RB1CC1: variants seen among roughly 807,000 people sequenced by gnomAD.
The protein encoded by RB1CC1 is RB1 inducible coiled-coil 1.
RB1CC1 carries 46 observed loss-of-function variants against 177.5 expected under a neutral mutation model. That is an observed-to-expected ratio of 0.26 (90% confidence interval 0.20 to 0.33). The LOEUF is 0.33. Among genes scored for constraint, RB1CC1 ranks in the 10% least tolerant of loss-of-function variants. RB1CC1 has a pLI of 1.00. For missense variants in RB1CC1, 1,703 were observed against 1,816.3 expected, an observed-to-expected ratio of 0.94 and a Z score of 1.13; for synonymous variants, 666 against 613.6, an observed-to-expected ratio of 1.09 and a Z score of -1.26.
rs950148731 is a variant in RB1CC1, at chr8:52,674,000, G to T, written c.847C>A (p.Gln283Lys). 9.3e-6 allele frequency: 15 copies of T among 1,613,984 alleles called. No individual in the cohort carries two copies. Among genetic ancestry groups the T allele is most frequent in the Non-Finnish European group, 1.1e-5 (13 of 1,180,034 alleles). The change falls in exon 7 of 24, where the codon CAA becomes AAA. Residue 283 changes from glutamine to lysine, a missense_variant. This residue lies in a region of RB1CC1 where 315 missense variants were observed against 304.9 expected (regional missense o/e 1.03). Transcript: ENST00000025008. Reference protein sequence around the residue: ...ESGKEIRESCQSTVHQQDETT... With the variant: ...ESGKEIRESCKSTVHQQDETT... ...TCATCTTGCTGATGAACAGTACTTT[G>T]ACAAGATTCCCTAATTTCTTTGCCA...
In RB1CC1 at chr8:52,653,014, G is replaced by A. The variant is rs1289435247; in HGVS notation, c.3821+2994C>T. ...AGAGGTTGTGGTGAAGAGAGATCAC[G>A]CCACTGCACTCCAGCCTGGGTAACA... On this transcript the variant is annotated intron_variant, in intron 15 of 23. Transcript: ENST00000025008. Among the ~76,000 whole-genome samples, 4 of 152,064 alleles carry A rather than the reference G, an allele frequency of 2.6e-5. No homozygotes were observed. The South Asian group carries it at 8.3e-4, about 32-fold the overall frequency.
intron 18 of RB1CC1, among the ~76,000 whole-genome samples, chr8:52,640,790 CTT>C (rs1025160611): frequency 6.6e-6 from 1 of 152,128 alleles, no homozygotes; most frequent in African/African-American, 2.4e-5. Context: ...TTTTGAATTA[CTT>C]TTTTTGTTCT....
At position 52,676,427 on chromosome 8, in the gene RB1CC1, C is replaced by T; in HGVS notation, c.514G>A (p.Glu172Lys). Residue 172 changes from glutamate (E) to lysine (K), a missense_variant, in exon 6 of 24, where the codon GAA becomes AAA. Physicochemically the swap from Glu to Lys is moderately conservative, Grantham distance 56 (BLOSUM62 1). Coordinates refer to ENST00000025008, the MANE Select transcript of RB1CC1 (RefSeq NM_014781.5). The stretch of plus-strand genomic sequence containing the variant: ...TGCAGATAATTTGAATAAATACTTT[C>T]AAACTTGAAAAGTAGCTTTTGGTAT... ...NSYQKLLFKF[E>K]SIYSNYLQSI... 1.2e-6 allele frequency: 2 copies of T among 1,613,066 alleles called. No individual in the cohort carries two copies. Among genetic ancestry groups the T allele is most frequent in the Non-Finnish European group, 1.7e-6 (2 of 1,179,520 alleles).
chr8:52,634,509 A>C (rs1180581640), intron 20 of RB1CC1, among the ~76,000 whole-genome samples: 1 of 152,124 alleles, frequency 6.6e-6, no homozygotes, highest in African/African-American at 2.4e-5. Flanking sequence ...CTACAGAGCA[A>C]GACTGTCTTA....
intron 8 of RB1CC1, among the ~76,000 whole-genome samples, chr8:52,663,008 T>C (rs1457052042): frequency 1.3e-5 from 2 of 152,092 alleles, no homozygotes; most frequent in Admixed American, 6.6e-5. Flanking sequence ...AAGTACTGTA[T>C]TGCTAAAAGA....
At chr8:52,660,469 A>C (rs1851513703) in intron 12 of RB1CC1, 127 bp downstream of exon 12, 1 of 913,392 alleles carries the variant, frequency 1.1e-6, no homozygotes, top group South Asian at 1.6e-5. Flanking sequence ...TAAAGCCAAA[A>C]ACACTTTTAT....
At chr8:52,637,660 T>TTTATTTATTTATTTA (rs897101314) in intron 18 of RB1CC1, among the ~76,000 whole-genome samples, 4 of 150,634 alleles carry the variant, frequency 2.7e-5, no homozygotes, top group African/African-American at 9.8e-5. Flanking sequence ...TCTAGATGCA[T>TTTATTTATTTATTTA]TTATTTATTT....
At chr8:52,691,043 A>G (rs1489628925) in intron 1 of RB1CC1, among the ~76,000 whole-genome samples, 1 of 152,234 alleles carries the variant, frequency 6.6e-6, no homozygotes, top group Non-Finnish European at 1.5e-5. Context: ...TCTACAGTCC[A>G]TATTCAAACT....
intron 23 of RB1CC1, 32 bp downstream of exon 23, chr8:52,624,678 ACAGTTCC>A: frequency 4.1e-6 from 6 of 1,474,582 alleles, no homozygotes; most frequent in Non-Finnish European, 4.7e-6. Context: ...AATCTTCTTT[ACAGTTCC>A]CAGGCTTAGT....
At chr8:52,646,257 G>C (rs1282212859) in intron 15 of RB1CC1, among the ~76,000 whole-genome samples, 2 of 151,970 alleles carry the variant, frequency 1.3e-5, no homozygotes, top group Non-Finnish European at 2.9e-5. Flanking sequence ...GAGTCCAAGA[G>C]TTTGAGATCA....
At chr8:52,645,641 A>G in intron 16 of RB1CC1, 61 bp downstream of exon 16, 1 of 1,510,522 alleles carries the variant, frequency 6.6e-7, no homozygotes, top group Non-Finnish European at 9.0e-7. Flanking sequence ...AAGAAATTAT[A>G]TTTGTTAATT....
At chr8:52,664,769 C>A (rs1030645117) in intron 8 of RB1CC1, among the ~76,000 whole-genome samples, 1 of 152,142 alleles carries the variant, frequency 6.6e-6, no homozygotes, top group African/African-American at 2.4e-5. Flanking sequence ...AGTATTATCA[C>A]CCCAACCATA....
At chr8:52,708,964 T>C (rs1173140374) in intron 1 of RB1CC1, among the ~76,000 whole-genome samples, 1 of 152,140 alleles carries the variant, frequency 6.6e-6, no homozygotes, top group Non-Finnish European at 1.5e-5. Flanking sequence ...ACCCAGCACT[T>C]TGGGAGGCAG....
intron 17 of RB1CC1, 56 bp downstream of exon 17, chr8:52,642,648 G>C: frequency 6.3e-7 from 1 of 1,589,390 alleles, no homozygotes; most frequent in South Asian, 1.2e-5. Flanking sequence ...CACTTTGCAT[G>C]AATGTATCTT....
At chr8:52,640,672 T>TACGGTGGTTCACTTTTTTCAC (rs1455159991) in intron 18 of RB1CC1, among the ~76,000 whole-genome samples, 1 of 152,224 alleles carries the variant, frequency 6.6e-6, no homozygotes, top group African/African-American at 2.4e-5. Flanking sequence ...GAGGTTTTCA[T>TACGGTGGTTCACTTTTTTCAC]ACGGTGGTTC....
rs1403154930 is a variant in RB1CC1, at chr8:52,657,039, C to T, written c.2790G>A (p.Lys930=). 2 of 1,612,830 alleles carry T rather than the reference C, an allele frequency of 1.2e-6. No individual in the cohort carries two copies. Among genetic ancestry groups the T allele is most frequent in the East Asian group, 2.2e-5 (1 of 44,846 alleles). The change falls in exon 15 of 24, where the codon AAG becomes AAA. Residue 930 remains lysine, a synonymous_variant. Transcript: ENST00000025008. ...TTTCCATCTCTAACAACTTCTGATCCTTTTCATTCTGCAGGCAGATTACAG... is the reference window on the plus strand; with the variant it reads ...TTTCCATCTCTAACAACTTCTGATCTTTTTCATTCTGCAGGCAGATTACAG... ...KEAVICLQNE[K]DQKLLEMENI... is the part of the protein sequence containing the mutation.
intron 1 of RB1CC1, among the ~76,000 whole-genome samples, chr8:52,705,986 T>C (rs1188101769): frequency 6.6e-6 from 1 of 152,220 alleles, no homozygotes; most frequent in African/African-American, 2.4e-5. Flanking sequence ...TTACAACTAA[T>C]GCAGGAGGAC....
intron 2 of RB1CC1, among the ~76,000 whole-genome samples, chr8:52,686,451 C>A (rs1166953327): frequency 6.6e-6 from 1 of 152,138 alleles, no homozygotes; most frequent in African/African-American, 2.4e-5. Context: ...GAGGCTGAGG[C>A]AGGAGGATGG....
chr8:52,624,427 G>T (rs891607928), intron 23 of RB1CC1, among the ~76,000 whole-genome samples: 3 of 151,924 alleles, frequency 2.0e-5, no homozygotes, highest in African/African-American at 7.2e-5. Context: ...GTTATGCAGG[G>T]ATTTTTTTTC....
Sources: gnomAD v4.1 joint callset for allele counts (sites outside exome capture counted in the v4.1 genomes callset) on GRCh38, gnomAD v4.1.1 for gene constraint, gnomAD v4.1.1 regional missense constraint, MANE v1.5 for transcripts, NCBI Gene and HGNC (gene_info 2026-07-23, HGNC 2026-07-21) for gene names.